Variants in RHOBTB1 observed in about 807,000 individuals in gnomAD.
RHOBTB1 encodes the protein Rho related BTB domain containing 1, also known as rho-related BTB domain-containing protein 1.
Under a neutral mutation model 71.6 loss-of-function variants are expected in RHOBTB1, and 40 were observed. The ratio of observed to expected loss-of-function variants is 0.56; its 90% CI spans 0.43 to 0.73. The LOEUF is 0.73. Ranked by LOEUF, RHOBTB1 falls within the 30% of genes least tolerant of loss-of-function variation. RHOBTB1 has a pLI of 0.00. For missense variants in RHOBTB1, 797 were observed against 894.0 expected (o/e 0.89, Z 1.38); for synonymous variants, 319 against 334.9 (o/e 0.95, Z 0.52).
intron 1 of RHOBTB1, among the ~76,000 whole-genome samples, chr10:60,942,975 A>C (rs959310103): frequency 6.6e-6 from 1 of 152,104 alleles, no homozygotes; most frequent in East Asian, 1.9e-4. Context: ...GCTGGAGTTC[A>C]ACAAGGCTCA....
downstream of RHOBTB1, among the ~76,000 whole-genome samples, chr10:60,869,253 A>G (rs921254175): frequency 1.3e-5 from 2 of 152,212 alleles, no homozygotes; most frequent in Non-Finnish European, 2.9e-5. Flanking sequence ...CTTCATTTAC[A>G]TTATGACACT....
At chr10:60,924,418 T>G (rs2083745455) in intron 2 of RHOBTB1, among the ~76,000 whole-genome samples, 1 of 151,614 alleles carries the variant, frequency 6.6e-6, no homozygotes, top group Non-Finnish European at 1.5e-5. Context: ...ACAAAGAAGG[T>G]CATTATATAA....
At chr10:60,931,769 A>T (rs1387751498) in intron 2 of RHOBTB1, among the ~76,000 whole-genome samples, 1 of 151,918 alleles carries the variant, frequency 6.6e-6, no homozygotes, top group Non-Finnish European at 1.5e-5. Context: ...GCTCTCACAT[A>T]AAAAAAACCC....
chr10:60,942,261 C>A (rs1460427199), intron 1 of RHOBTB1, among the ~76,000 whole-genome samples: 2 of 152,250 alleles, frequency 1.3e-5, no homozygotes, highest in African/African-American at 4.8e-5. Flanking sequence ...AAAGACCAAA[C>A]AATTTTGGCT....
At chr10:60,867,909 G>A (rs1012280318), downstream of RHOBTB1, among the ~76,000 whole-genome samples, 4 of 152,136 alleles carry the variant, frequency 2.6e-5, no homozygotes, top group African/African-American at 9.7e-5. Flanking sequence ...CAAGAAAGCT[G>A]TCTTCATCAT....
At chr10:60,886,728 G>GC (rs58848291) in intron 6 of RHOBTB1, among the ~76,000 whole-genome samples, 1,708 of 86,664 alleles carry the variant, frequency 0.02, 38 homozygotes, top group African/African-American at 0.071. Context: ...GGGGGGGGGT[G>GC]GGTCTGGCTA....
At chr10:60,917,481 C>G (rs950131542) in intron 2 of RHOBTB1, among the ~76,000 whole-genome samples, 5 of 152,190 alleles carry the variant, frequency 3.3e-5, no homozygotes, top group African/African-American at 7.2e-5. Context: ...GGAAGTCTGA[C>G]AGCAGGGTGC....
At chr10:60,877,574 A>G (rs531674508) in intron 8 of RHOBTB1, among the ~76,000 whole-genome samples, 1 of 152,300 alleles carries the variant, frequency 6.6e-6, no homozygotes, top group Admixed American at 6.5e-5. Flanking sequence ...TATTATGGAG[A>G]TAATGTTGAC....
intron 4 of RHOBTB1, among the ~76,000 whole-genome samples, chr10:60,895,276 C>T (rs2082106914): frequency 6.6e-6 from 1 of 152,112 alleles, no homozygotes; most frequent in Non-Finnish European, 1.5e-5. Flanking sequence ...GATAAAATAA[C>T]TTATTGAGTC....
chr10:60,934,819 T>C lies in RHOBTB1; in HGVS notation c.-11+6985A>G, dbSNP rs543639579. The stretch of plus-strand genomic sequence containing the variant: ...TGATGAAACGGAGAGCTGGTGAACG[T>C]GTATTGTAAAGAGCCAGGAGAACAT... On this transcript the variant is annotated intron_variant, in intron 2 of 10. Coordinates refer to ENST00000337910, the MANE Select transcript of RHOBTB1 (RefSeq NM_014836.5). Among the ~76,000 whole-genome samples, 114 of 152,282 alleles carry C rather than the reference T, an allele frequency of 7.5e-4. 2 individuals carry two copies. In the South Asian group the frequency reaches 0.022, roughly 30 times the overall value.
upstream of RHOBTB1, among the ~76,000 whole-genome samples, chr10:60,947,724 AC>A (rs2085284515): frequency 6.6e-6 from 1 of 152,134 alleles, no homozygotes; most frequent in African/African-American, 2.4e-5. Flanking sequence ...TTATCCATTC[AC>A]CCACTGAAGG....
At chr10:60,951,374 G>A (rs775566945) in intron 2 of RHOBTB1, among the ~76,000 whole-genome samples, 8 of 152,122 alleles carry the variant, frequency 5.3e-5, no homozygotes, top group Non-Finnish European at 1.0e-4. Context: ...CACTTCTTGC[G>A]CCTGACTCAA....
rs1450912393 is a variant in RHOBTB1, at chr10:60,888,248, G to A, written c.1420C>T (p.Arg474Trp). 6.2e-7 allele frequency: 1 copy of A among 1,613,910 alleles called. No individual in the cohort carries two copies. Among genetic ancestry groups the A allele is most frequent in the South Asian group, 1.1e-5 (1 of 91,050 alleles). The change falls in exon 6 of 11, where the codon CGG becomes TGG. Residue 474 changes from arginine (R) to tryptophan (W), a missense_variant. Around this residue, in one of 2 missense-constraint regions of RHOBTB1, gnomAD observed 658 missense variants for 681.5 expected, o/e 0.97. Transcript: ENST00000337910. ...CCCTTGCTGAGACACTCTTTTATCC[G>A]ATTGGCTTTCCTTACGTGAAAGGCT... Reference protein sequence around the residue: ...TKAFHVRKANRIKECLSKGTF... With the variant: ...TKAFHVRKANWIKECLSKGTF...
At chr10:60,962,509 T>C (rs1433242069) in intron 2 of RHOBTB1, among the ~76,000 whole-genome samples, 1 of 152,188 alleles carries the variant, frequency 6.6e-6, no homozygotes, top group Non-Finnish European at 1.5e-5. Context: ...AGTATGCTCT[T>C]TATACAAAAT....
intron 3 of RHOBTB1, 62 bp downstream of exon 3, chr10:60,911,289 A>G: frequency 1.4e-6 from 2 of 1,476,952 alleles, no homozygotes; most frequent in East Asian, 4.6e-5. Context: ...TTTAGAAAAA[A>G]TCAGACTGGC....
At chr10:60,893,384 A>C (rs7093952) in intron 4 of RHOBTB1, among the ~76,000 whole-genome samples, 54,241 of 152,116 alleles carry the variant, frequency 0.36, 10,539 homozygotes, top group East Asian at 0.58. Flanking sequence ...CCAGTTTAAA[A>C]AACATAAAGG....
At chr10:60,998,245 A>C (rs952656483) in intron 1 of RHOBTB1, among the ~76,000 whole-genome samples, 5 of 152,206 alleles carry the variant, frequency 3.3e-5, no homozygotes, top group African/African-American at 1.2e-4. Flanking sequence ...TTCCCAAGGA[A>C]GGGACAATAT....
chr10:60,924,755 A>G (rs2083770977), intron 2 of RHOBTB1, among the ~76,000 whole-genome samples: 1 of 152,228 alleles, frequency 6.6e-6, no homozygotes, highest in Non-Finnish European at 1.5e-5. Flanking sequence ...GCCACAAAAC[A>G]AGTCTCAAAA....
intron 1 of RHOBTB1, among the ~76,000 whole-genome samples, chr10:60,998,753 A>G (rs73268035): frequency 0.063 from 9,647 of 152,264 alleles, 504 homozygotes; most frequent in African/African-American, 0.14. Context: ...AAAGCTAGTG[A>G]AAGGAAACCA....
Sources: gnomAD v4.1 joint callset for allele counts (sites outside exome capture counted in the v4.1 genomes callset) on GRCh38, gnomAD v4.1.1 for gene constraint, gnomAD v4.1.1 regional missense constraint, MANE v1.5 for transcripts, NCBI Gene and HGNC (gene_info 2026-07-23, HGNC 2026-07-21) for gene names.